Variants in DPP10 observed in about 807,000 individuals in gnomAD.
DPP10 encodes inactive dipeptidyl peptidase 10.
In DPP10, 33 loss-of-function variants were observed where a neutral mutation model predicts 120.9. The ratio of observed to expected loss-of-function variants is 0.27; its 90% CI spans 0.21 to 0.37. The LOEUF (loss-of-function observed/expected upper bound fraction) is 0.37. Among genes scored for constraint, DPP10 ranks in the 10% least tolerant of loss-of-function variants. The probability of loss-of-function intolerance (pLI) is 1.00; values close to 1 mark genes in which losing one functional copy is unlikely to be tolerated. For missense variants in DPP10, 816 were observed against 942.8 expected, an observed-to-expected ratio of 0.87 and a Z score of 1.76; for synonymous variants, 337 against 326.1, an observed-to-expected ratio of 1.03 and a Z score of -0.36.
Position 115,814,695 on chromosome 2 carries a change from C to G in DPP10, c.1701-98C>G, listed in dbSNP as rs929340111. On this transcript the variant is annotated intron_variant, in intron 19 of 25. Coordinates refer to ENST00000410059, the MANE Select transcript of DPP10 (RefSeq NM_020868.6). The stretch of plus-strand genomic sequence containing the variant: ...TTAACAGAAATTTTAATAGCCAGCA[C>G]AGTTCTTTCCCATTACTTAACTTGT... 18 of 955,654 alleles carry G rather than the reference C, an allele frequency of 1.9e-5. No homozygotes were observed. The South Asian group carries it at 4.5e-4, about 24-fold the overall frequency. The allele number at this position is 955,654 out of a possible 1,614,324, so 59.2% of individuals were successfully genotyped here.
chr2:115,629,739 T>C (rs570142236), intron 5 of DPP10, among the ~76,000 whole-genome samples: 1 of 152,320 alleles, frequency 6.6e-6, no homozygotes, highest in South Asian at 2.1e-4. Context: ...TTCTGAGGCC[T>C]CTGCTCTGTT....
chr2:114,446,706 A>G (rs1360523990), intron 1 of DPP10, among the ~76,000 whole-genome samples: 1 of 152,182 alleles, frequency 6.6e-6, no homozygotes, highest in Non-Finnish European at 1.5e-5. Flanking sequence ...TCTTCGGAGT[A>G]CATCTTGAGC....
At chr2:115,672,560 A>T (rs1248473991) in intron 5 of DPP10, among the ~76,000 whole-genome samples, 4 of 152,062 alleles carry the variant, frequency 2.6e-5, no homozygotes, top group African/African-American at 7.2e-5. Flanking sequence ...ACATTTAAAA[A>T]TTTTTATCTT....
At chr2:115,458,459 G>A (rs542900403) in intron 3 of DPP10, among the ~76,000 whole-genome samples, 1 of 152,122 alleles carries the variant, frequency 6.6e-6, no homozygotes, top group African/African-American at 2.4e-5. Flanking sequence ...AAAAAGACAT[G>A]TAGAAAGTTT....
chr2:114,750,767 A>G (rs936421539), intron 1 of DPP10, among the ~76,000 whole-genome samples: 21 of 1,704 alleles, frequency 0.012, no homozygotes, highest in East Asian at 0.25. Flanking sequence ...TAGGAGTTAC[A>G]TTATTCCAAA....
chr2:114,761,371 T>G (rs1384753274), intron 1 of DPP10, among the ~76,000 whole-genome samples: 1 of 152,216 alleles, frequency 6.6e-6, no homozygotes, highest in African/African-American at 2.4e-5. Context: ...AAAGCATTTA[T>G]AGTCAATTTA....
intron 1 of DPP10, among the ~76,000 whole-genome samples, chr2:114,509,157 A>T (rs2104567907): frequency 6.6e-6 from 1 of 152,256 alleles, no homozygotes; most frequent in African/African-American, 2.4e-5. Context: ...ATGCCACAAA[A>T]TCCTTTAAAC....
intron 1 of DPP10, among the ~76,000 whole-genome samples, chr2:115,005,551 C>T (rs368893322): frequency 2.6e-5 from 4 of 151,454 alleles, no homozygotes; most frequent in African/African-American, 7.3e-5. Context: ...AACCAAGGCT[C>T]GAGAACTACG....
intron 4 of DPP10, among the ~76,000 whole-genome samples, chr2:115,506,971 G>A (rs1237040008): frequency 1.3e-5 from 2 of 151,446 alleles, no homozygotes; most frequent in African/African-American, 2.4e-5. Flanking sequence ...TTCAATTATT[G>A]TTGAAATATT....
At chr2:115,351,889 G>A (rs1297377116) in intron 3 of DPP10, among the ~76,000 whole-genome samples, 1 of 151,882 alleles carries the variant, frequency 6.6e-6, no homozygotes, top group Non-Finnish European at 1.5e-5. Flanking sequence ...CAATAAAATG[G>A]AAATATCTAC....
At chr2:115,258,655 T>G (rs1574197340) in intron 1 of DPP10, among the ~76,000 whole-genome samples, 1 of 152,162 alleles carries the variant, frequency 6.6e-6, no homozygotes. Context: ...TTTCATGTGC[T>G]TACACACATT....
chr2:115,253,101 A>G (rs901306006), intron 1 of DPP10, among the ~76,000 whole-genome samples: 4 of 152,114 alleles, frequency 2.6e-5, no homozygotes, highest in African/African-American at 9.7e-5. Flanking sequence ...GGTCTCAGGG[A>G]GCTTACAATC....
chr2:115,344,329 A>G (rs1157743838), intron 3 of DPP10, among the ~76,000 whole-genome samples: 1 of 152,122 alleles, frequency 6.6e-6, no homozygotes, highest in Non-Finnish European at 1.5e-5. Flanking sequence ...TCTCATGATC[A>G]TTAGTTACAT....
intron 5 of DPP10, among the ~76,000 whole-genome samples, chr2:115,595,387 A>G (rs1239787808): frequency 1.3e-5 from 2 of 152,092 alleles, no homozygotes; most frequent in African/African-American, 2.4e-5. Context: ...TTTCAATGAA[A>G]TCTTATGAAC....
Position 115,282,248 on chromosome 2 carries a change from G to A in DPP10, c.61-26991G>A, listed in dbSNP as rs575734260. On this transcript the variant is annotated intron_variant, in intron 1 of 25. Coordinates refer to ENST00000410059, the MANE Select transcript of DPP10 (RefSeq NM_020868.6). ...ACATAATAGTTATGTCTCACTTTTAGTATTTTTGTCTTTCTACATGTATGA... is the reference window on the plus strand; with the variant it reads ...ACATAATAGTTATGTCTCACTTTTAATATTTTTGTCTTTCTACATGTATGA... Among the ~76,000 whole-genome samples the A allele has an allele frequency of 1.4e-4, 22 of 152,016 alleles. No individual in the cohort carries two copies. The East Asian group carries it at 4.1e-3, about 28-fold the overall frequency.
intron 1 of DPP10, among the ~76,000 whole-genome samples, chr2:114,899,828 C>T (rs1457585528): frequency 6.6e-6 from 1 of 151,986 alleles, no homozygotes; most frequent in South Asian, 2.1e-4. Flanking sequence ...GGCTTGGTGG[C>T]GGGTGCCTGT....
intron 3 of DPP10, among the ~76,000 whole-genome samples, chr2:115,450,840 C>T (rs922936342): frequency 2.6e-5 from 4 of 151,916 alleles, no homozygotes; most frequent in African/African-American, 7.2e-5. Context: ...ACCAACCATA[C>T]ATCTGTGCAC....
At chr2:115,090,212 C>T (rs773570111) in intron 1 of DPP10, among the ~76,000 whole-genome samples, 18 of 152,090 alleles carry the variant, frequency 1.2e-4, no homozygotes, top group Non-Finnish European at 2.2e-4. Context: ...CATAAAAGTG[C>T]AAAGAAGAAT....
intron 5 of DPP10, among the ~76,000 whole-genome samples, chr2:115,644,750 TC>T (rs959713606): frequency 5.3e-5 from 8 of 152,220 alleles, no homozygotes; most frequent in African/African-American, 1.9e-4. Context: ...GCCACTGCAC[TC>T]CAGCCAAGGT....
Sources: allele counts gnomAD v4.1 joint callset (sites outside exome capture counted in the v4.1 genomes callset), GRCh38; gene constraint gnomAD v4.1.1; transcripts MANE v1.5; gene names NCBI Gene and HGNC (gene_info 2026-07-23, HGNC 2026-07-21).